KCNN2: variants seen among roughly 807,000 people sequenced by gnomAD.
KCNN2 encodes the protein potassium calcium-activated channel subfamily N member 2.
KCNN2 carries 24 observed loss-of-function variants against 55.5 expected under a neutral mutation model. The ratio of observed to expected loss-of-function variants is 0.43; its 90% CI spans 0.31 to 0.61. KCNN2 has a LOEUF of 0.61. Ranked by LOEUF, KCNN2 falls within the 20% of genes least tolerant of loss-of-function variation. The pLI is 0.08. For synonymous variants in KCNN2, 431 were observed against 336.1 expected (o/e 1.28, Z -3.09); for missense variants, 754 against 853.6 (o/e 0.88, Z 1.45).
At chr5:114,438,979 T>C (rs575800465) in intron 3 of KCNN2, among the ~76,000 whole-genome samples, 1 of 152,344 alleles carries the variant, frequency 6.6e-6, no homozygotes, top group South Asian at 2.1e-4. Context: ...TTACAACATA[T>C]TTTAACTGTA....
intron 2 of KCNN2, among the ~76,000 whole-genome samples, chr5:114,306,648 A>G (rs1756278624): frequency 6.6e-6 from 1 of 151,846 alleles, no homozygotes; most frequent in South Asian, 2.1e-4. Flanking sequence ...TTAGGGCAGA[A>G]GTACCTTTAC....
At chr5:114,337,343 G>C (rs62382919) in intron 2 of KCNN2, among the ~76,000 whole-genome samples, 10,889 of 152,274 alleles carry the variant, frequency 0.072, 524 homozygotes, top group Non-Finnish European at 0.099. Context: ...CACTGAGGTT[G>C]AGGTTCCTAG....
intron 2 of KCNN2, among the ~76,000 whole-genome samples, chr5:114,280,173 T>G (rs188559555): frequency 7.6e-4 from 116 of 152,340 alleles, no homozygotes; most frequent in African/African-American, 2.6e-3. Context: ...TAAATTTGTT[T>G]GAGTTCATTG....
rs376313599 is a variant in KCNN2 at position 114,404,423 on chromosome 5, A to G, written c.1219-15A>G. On this transcript the variant is annotated splice_polypyrimidine_tract_variant and intron_variant, in intron 2 of 7. Coordinates refer to ENST00000673685, the MANE Select transcript of KCNN2 (RefSeq NM_021614.4). ...CATGCCATACTGAAGCTGATTTTCT[A>G]CTTTATTTTTTCAGTTGTTCATGGT... 2.5e-6 allele frequency: 4 copies of G among 1,603,028 alleles called. No homozygotes were observed. The highest frequency in any genetic ancestry group is 3.4e-6 in the Non-Finnish European group (4 of 1,173,354).
intron 1 of KCNN2, among the ~76,000 whole-genome samples, chr5:114,168,174 T>TATATATAC (rs1554072772): frequency 1.5e-4 from 22 of 148,708 alleles, no homozygotes; most frequent in African/African-American, 4.7e-4. Flanking sequence ...TGGATATATA[T>TATATATAC]ACACACACAC....
intron 1 of KCNN2, among the ~76,000 whole-genome samples, chr5:114,207,274 G>A (rs1753795733): frequency 6.6e-6 from 1 of 152,150 alleles, no homozygotes; most frequent in Admixed American, 6.5e-5. Flanking sequence ...TGTCTCTAGA[G>A]AAAATAGGTT....
chr5:114,197,493 G>A (rs1753581663), intron 1 of KCNN2, among the ~76,000 whole-genome samples: 1 of 152,146 alleles, frequency 6.6e-6, no homozygotes, highest in African/African-American at 2.4e-5. Context: ...TTCTCACCTT[G>A]CACCTCTCAT....
At position 114,399,331 on chromosome 5, in the gene KCNN2, C is replaced by A. The variant is rs566477513; in HGVS notation, c.1219-5107C>A. Among the ~76,000 whole-genome samples, 7 of 152,104 alleles carry A rather than the reference C, an allele frequency of 4.6e-5. No individual in the cohort carries two copies. In the East Asian group the frequency reaches 1.2e-3, roughly 25 times the overall value. On this transcript the variant is annotated intron_variant, in intron 2 of 7. Coordinates refer to ENST00000673685, the MANE Select transcript of KCNN2 (RefSeq NM_021614.4). The stretch of plus-strand genomic sequence containing the variant: ...GTGTTCAGGGTAGTATGGCCATAGA[C>A]CTTTTCTGCATCTATTGAGATGATC...
At chr5:114,199,996 C>G (rs1753639219) in intron 1 of KCNN2, among the ~76,000 whole-genome samples, 1 of 152,020 alleles carries the variant, frequency 6.6e-6, no homozygotes, top group African/African-American at 2.4e-5. Context: ...GTGGTGAGGA[C>G]CTTTTTACAA....
At position 114,167,848 on chromosome 5, in the gene KCNN2, C is replaced by T. The variant is rs143831605; in HGVS notation, c.-270-53632C>T. On this transcript the variant is annotated intron_variant, in intron 1 of 10. Coordinates refer to the KCNN2 transcript ENST00000512097. ...AGCCCATCCCATACTTTTCAAGCAACCACTGAACTTCTTTCTGTCACTACA... is the reference window on the plus strand; with the variant it reads ...AGCCCATCCCATACTTTTCAAGCAATCACTGAACTTCTTTCTGTCACTACA... 2.7e-3 allele frequency among the ~76,000 whole-genome samples: 417 copies of T among 152,210 alleles called. 3 individuals are homozygous for T. The Middle Eastern group carries it at 0.031, about 11-fold the overall frequency.
At chr5:114,214,447 T>C (rs1470997416) in intron 1 of KCNN2, among the ~76,000 whole-genome samples, 1 of 152,078 alleles carries the variant, frequency 6.6e-6, no homozygotes. Context: ...CCAGCCAGAT[T>C]GATTATTACA....
intron 5 of KCNN2, among the ~76,000 whole-genome samples, chr5:114,476,074 A>G (rs1050415556): frequency 2.0e-5 from 3 of 151,826 alleles, no homozygotes; most frequent in East Asian, 1.9e-4. Context: ...TTTAGGGTAC[A>G]TGTGCACATT....
intron 3 of KCNN2, among the ~76,000 whole-genome samples, chr5:114,432,429 C>A (rs561699324): frequency 6.6e-6 from 1 of 152,328 alleles, no homozygotes; most frequent in Admixed American, 6.5e-5. Flanking sequence ...GTATATCATT[C>A]TCTGTTGCCT....
chr5:114,244,779 A>T (rs1754718859), intron 2 of KCNN2, among the ~76,000 whole-genome samples: 1 of 152,146 alleles, frequency 6.6e-6, no homozygotes, highest in African/African-American at 2.4e-5. Flanking sequence ...TAACGGTGGT[A>T]TCTGAAGCTT....
chr5:114,468,907 G>C (rs1345991111), intron 4 of KCNN2, among the ~76,000 whole-genome samples: 19 of 152,128 alleles, frequency 1.2e-4, no homozygotes. Flanking sequence ...AGCATAAGTA[G>C]ATGATTTAGG....
intron 5 of KCNN2, among the ~76,000 whole-genome samples, chr5:114,480,359 G>A (rs777017361): frequency 3.3e-5 from 5 of 152,054 alleles, no homozygotes; most frequent in Admixed American, 6.6e-5. Context: ...TGAAATTGAG[G>A]CAGGAATAAA....
intron 2 of KCNN2, among the ~76,000 whole-genome samples, chr5:114,324,841 T>C (rs1011410066): frequency 6.6e-6 from 1 of 152,234 alleles, no homozygotes; most frequent in African/African-American, 2.4e-5. Context: ...CACAGGCTGT[T>C]AGCAGAAATA....
chr5:114,116,472 A>G (rs1751710358), intron 1 of KCNN2, among the ~76,000 whole-genome samples: 1 of 152,086 alleles, frequency 6.6e-6, no homozygotes, highest in African/African-American at 2.4e-5. Flanking sequence ...TTTGATCAGG[A>G]TTAGGGTGAT....
chr5:114,358,927 C>A (rs1463088723), upstream of KCNN2, among the ~76,000 whole-genome samples: 2 of 152,074 alleles, frequency 1.3e-5, no homozygotes, highest in African/African-American at 4.8e-5. Flanking sequence ...CTTAAATGTG[C>A]CTGTTATAAC....
Sources: gnomAD v4.1 joint callset for allele counts (sites outside exome capture counted in the v4.1 genomes callset) on GRCh38, gnomAD v4.1.1 for gene constraint, MANE v1.5 for transcripts, NCBI Gene and HGNC (gene_info 2026-07-23, HGNC 2026-07-21) for gene names.